Variants in ZCWPW2 observed in about 807,000 individuals in gnomAD.
The protein encoded by ZCWPW2 is zinc finger CW-type PWWP domain protein 2.
In ZCWPW2, 45 loss-of-function variants were observed where a neutral mutation model predicts 46.6. The observed-to-expected ratio is 0.96, with a 90% CI of 0.76 to 1.24. The LOEUF (loss-of-function observed/expected upper bound fraction) is 1.24. Among genes scored for constraint, ZCWPW2 ranks in the 50% most tolerant of loss-of-function variants. The pLI is 0.00. For missense variants in ZCWPW2, 429 were observed against 403.9 expected (o/e 1.06, Z -0.53); for synonymous variants, 152 against 137.1 (o/e 1.11, Z -0.76).
chr3:28,441,642 T>G (rs1369452760), intron 4 of ZCWPW2, among the ~76,000 whole-genome samples: 6 of 152,082 alleles, frequency 3.9e-5, no homozygotes, highest in Non-Finnish European at 4.4e-5. Context: ...CTGGAGACCG[T>G]GGGCATTTGA....
intron 4 of ZCWPW2, among the ~76,000 whole-genome samples, chr3:28,450,866 A>G (rs1348830495): frequency 6.6e-6 from 1 of 152,222 alleles, no homozygotes; most frequent in Non-Finnish European, 1.5e-5. Context: ...AGCTCCAATA[A>G]TGCTGCTTTC....
In ZCWPW2 at chr3:28,513,286, G is replaced by C. The variant is rs769050508; in HGVS notation, c.658-778G>C. 6.1e-4 allele frequency among the ~76,000 whole-genome samples: 92 copies of C among 151,960 alleles called. 1 individual carries two copies. The highest frequency in any genetic ancestry group is 1.0e-3 in the Admixed American group (16 of 15,242). On this transcript the variant is annotated intron_variant, in intron 6 of 9. Transcript: ENST00000383768. Reference sequence around the variant, plus strand: ...TGGCTCTTTTGCTTACTTTTGTCTTGGTGATTTTAGAAGTCCTAGCTAAGT... The same window carrying C: ...TGGCTCTTTTGCTTACTTTTGTCTTCGTGATTTTAGAAGTCCTAGCTAAGT...
Position 28,514,107 on chromosome 3 carries a change from T to G in ZCWPW2, c.701T>G (p.Phe234Cys). 6.7e-7 allele frequency: 1 copy of G among 1,492,278 alleles called. No individual in the cohort carries two copies. Among genetic ancestry groups the G allele is most frequent in the African/African-American group, 1.4e-5 (1 of 71,648 alleles). The allele number at this position is 1,492,278 out of a possible 1,614,324, so 92.4% of individuals were successfully genotyped here. Residue 234 changes from phenylalanine to cysteine, a missense_variant, in exon 7 of 10, where the codon TTT becomes TGT. Transcript: ENST00000383768. ...KNNIEKKKPKFRKRKRKAILK... is the reference protein window; with the variant it reads ...KNNIEKKKPKCRKRKRKAILK... ...AATATTGAAAAGAAGAAGCCCAAAT[T>G]TAGAAAAAGGAAAAGGTATGCTTTT...
At chr3:28,448,770 G>T (rs1473925230) in intron 4 of ZCWPW2, among the ~76,000 whole-genome samples, 1 of 106,558 alleles carries the variant, frequency 9.4e-6, no homozygotes, top group Non-Finnish European at 1.8e-5. Flanking sequence ...GGGCTACCAA[G>T]TGAGACTCTG....
intron 2 of ZCWPW2, among the ~76,000 whole-genome samples, chr3:28,407,937 A>G (rs190894924): frequency 3.0e-4 from 46 of 152,288 alleles, no homozygotes; most frequent in African/African-American, 1.0e-3. Flanking sequence ...CATCTTCTCT[A>G]TGTGGCAGGA....
chr3:28,376,649 G>C (rs954693625), intron 1 of ZCWPW2, among the ~76,000 whole-genome samples: 1 of 152,076 alleles, frequency 6.6e-6, no homozygotes, highest in Non-Finnish European at 1.5e-5. Flanking sequence ...TCAGATTTCA[G>C]TTCTGGGATA....
intron 3 of ZCWPW2, among the ~76,000 whole-genome samples, chr3:28,434,764 C>G (rs1297887849): frequency 6.6e-6 from 1 of 152,168 alleles, no homozygotes; most frequent in African/African-American, 2.4e-5. Context: ...GTTAATTCAG[C>G]TCTACATGAA....
intron 6 of ZCWPW2, among the ~76,000 whole-genome samples, chr3:28,511,578 G>A (rs2125831763): frequency 6.6e-6 from 1 of 152,090 alleles, no homozygotes; most frequent in South Asian, 2.1e-4. Context: ...CCTTAAATAT[G>A]AACATGCTTA....
chr3:28,406,629 A>G (rs1442337970), intron 2 of ZCWPW2, among the ~76,000 whole-genome samples: 6 of 150,338 alleles, frequency 4.0e-5, no homozygotes, highest in Admixed American at 1.3e-4. Flanking sequence ...TTAGTTTTAA[A>G]CAGACAATGA....
At chr3:28,354,476 A>G (rs1213273755) in intron 1 of ZCWPW2, among the ~76,000 whole-genome samples, 1 of 140,662 alleles carries the variant, frequency 7.1e-6, no homozygotes, top group Admixed American at 7.7e-5. Context: ...CAATAGAAAA[A>G]GAGGGAATCC....
chr3:28,360,128 A>G (rs1168506211), intron 1 of ZCWPW2, among the ~76,000 whole-genome samples: 2 of 151,938 alleles, frequency 1.3e-5, no homozygotes, highest in Non-Finnish European at 2.9e-5. Context: ...TTAATAATGT[A>G]TACATTAATG....
chr3:28,457,728 C>T (rs2125785469), intron 4 of ZCWPW2, among the ~76,000 whole-genome samples: 1 of 152,336 alleles, frequency 6.6e-6, no homozygotes, highest in African/African-American at 2.4e-5. Context: ...TATCATTTTA[C>T]ATAGCAGAGT....
intron 4 of ZCWPW2, among the ~76,000 whole-genome samples, chr3:28,446,164 A>C: frequency 6.6e-6 from 1 of 152,106 alleles, no homozygotes; most frequent in East Asian, 1.9e-4. Context: ...CAACACAGTA[A>C]ACCAACTAGA....
chr3:28,448,502 C>T (rs765672506), intron 4 of ZCWPW2, among the ~76,000 whole-genome samples: 20 of 151,656 alleles, frequency 1.3e-4, no homozygotes, highest in Admixed American at 2.0e-4. Flanking sequence ...GTGTCAATAC[C>T]GGCCAGATGT....
Position 28,390,562 on chromosome 3 carries a change from T to C in ZCWPW2, c.-69T>C. Reference sequence around the variant, plus strand: ...GACCTCACTTCCCTTCTCTGGAGTTTTGGAGTCTATTTTCTTCATGGAATT... The same window carrying C: ...GACCTCACTTCCCTTCTCTGGAGTTCTGGAGTCTATTTTCTTCATGGAATT... On this transcript the variant is annotated 5_prime_UTR_variant, in exon 2 of 10. Coordinates refer to ENST00000383768, the MANE Select transcript of ZCWPW2 (RefSeq NM_001040432.4). The C allele has an allele frequency of 2.0e-6, 2 of 985,422 alleles. No individual in the cohort carries two copies. Among genetic ancestry groups the C allele is most frequent in the Non-Finnish European group, 2.4e-6 (2 of 829,934 alleles). The allele number at this position is 985,422 out of a possible 1,614,324, so 61.0% of individuals were successfully genotyped here.
chr3:28,353,788 C>G (rs866790418), intron 1 of ZCWPW2, among the ~76,000 whole-genome samples: 1 of 152,002 alleles, frequency 6.6e-6, no homozygotes, highest in Non-Finnish European at 1.5e-5. Flanking sequence ...TCCTAGAAAG[C>G]CTTTGACATG....
intron 7 of ZCWPW2, 36 bp downstream of exon 7, chr3:28,514,158 A>G (rs1325872626): frequency 1.5e-6 from 2 of 1,340,024 alleles, no homozygotes; most frequent in Admixed American, 2.3e-5. Context: ...TTATGATAAA[A>G]TTGAAATATA....
intron 5 of ZCWPW2, among the ~76,000 whole-genome samples, chr3:28,482,115 C>T (rs978639685): frequency 7.2e-5 from 11 of 152,118 alleles, no homozygotes; most frequent in Non-Finnish European, 1.2e-4. Context: ...AGAGTAGTTT[C>T]ACTGCTCTAA....
chr3:28,413,533 C>T, intron 3 of ZCWPW2, 133 bp downstream of exon 3: 3 of 773,944 alleles, frequency 3.9e-6, no homozygotes, highest in East Asian at 5.6e-5. Flanking sequence ...CTTTTCCATA[C>T]TTCTTTGGAT....
Sources: allele counts gnomAD v4.1 joint callset (sites outside exome capture counted in the v4.1 genomes callset), GRCh38; gene constraint gnomAD v4.1.1; transcripts MANE v1.5; gene names NCBI Gene and HGNC (gene_info 2026-07-23, HGNC 2026-07-21).